Variants in GALNT18 observed in about 807,000 individuals in gnomAD.
GALNT18 encodes the protein GalNAc-transferase 18.
Under a neutral mutation model 69.5 loss-of-function variants are expected in GALNT18, and 44 were observed. The observed-to-expected ratio is 0.63, with a 90% CI of 0.50 to 0.81. The LOEUF is 0.81. Among genes scored for constraint, GALNT18 ranks in the 40% least tolerant of loss-of-function variants. GALNT18 has a pLI of 0.00. For synonymous variants in GALNT18, 364 were observed against 318.2 expected (o/e 1.14, Z -1.53); for missense variants, 715 against 810.0 (o/e 0.88, Z 1.42).
intron 6 of GALNT18, among the ~76,000 whole-genome samples, chr11:11,342,113 C>T (rs954568225): frequency 1.3e-5 from 2 of 152,170 alleles, no homozygotes; most frequent in African/African-American, 4.8e-5. Context: ...GTCAGCCTCA[C>T]TCACTGATCG....
intron 9 of GALNT18, among the ~76,000 whole-genome samples, chr11:11,312,120 C>T (rs1389293700): frequency 6.7e-6 from 1 of 150,160 alleles, no homozygotes; most frequent in Non-Finnish European, 1.5e-5. Context: ...CCATGCCTGG[C>T]TAATTTTTTG....
chr11:11,361,195 G>A (rs1850638019), intron 6 of GALNT18, among the ~76,000 whole-genome samples: 1 of 152,206 alleles, frequency 6.6e-6, no homozygotes, highest in Admixed American at 6.5e-5. Context: ...ACCTGGAAGT[G>A]ATGAGAAATT....
chr11:11,440,385 G>A (rs567107032), intron 2 of GALNT18, among the ~76,000 whole-genome samples: 2 of 152,326 alleles, frequency 1.3e-5, no homozygotes, highest in African/African-American at 4.8e-5. Flanking sequence ...TGTGTGGTGG[G>A]TTTGTCAGTG....
chr11:11,410,580 A>G (rs1305338747), intron 3 of GALNT18, among the ~76,000 whole-genome samples: 1 of 152,162 alleles, frequency 6.6e-6, no homozygotes, highest in Non-Finnish European at 1.5e-5. Context: ...ATTTCCATTT[A>G]CCATCCTTTG....
chr11:11,275,158 C>G (rs1411308053), intron 10 of GALNT18, among the ~76,000 whole-genome samples: 1 of 152,238 alleles, frequency 6.6e-6, no homozygotes, highest in African/African-American at 2.4e-5. Context: ...TACACTCCCA[C>G]CAACAGTGTA....
At position 11,592,006 on chromosome 11, in the gene GALNT18, G is replaced by T. The variant is rs574189399; in HGVS notation, c.235+29353C>A. On this transcript the variant is annotated intron_variant, in intron 1 of 10. Coordinates refer to ENST00000227756, the MANE Select transcript of GALNT18 (RefSeq NM_198516.3). This position sits in a 1 kb window ranked among gnomAD's most constrained non-coding sequence, Gnocchi z 5.9. ...GCCTCAATTTTATAATAGAAAAAGG[G>T]GATAATAATAGCATATCTCAGTTTG... is the stretch of plus-strand genomic sequence containing the variant. Among the ~76,000 whole-genome samples, 1 of 152,132 alleles carries T rather than the reference G, an allele frequency of 6.6e-6. No homozygotes were observed. The highest frequency in any genetic ancestry group is 2.4e-5 in the African/African-American group (1 of 41,406).
chr11:11,339,366 T>C lies in GALNT18; in HGVS notation c.1278+1453A>G, dbSNP rs900273288. 1.3e-5 allele frequency among the ~76,000 whole-genome samples: 2 copies of C among 152,144 alleles called. No homozygotes were observed. The highest frequency in any genetic ancestry group is 2.9e-5 in the Non-Finnish European group (2 of 68,040). On this transcript the variant is annotated intron_variant, in intron 7 of 10. Coordinates refer to ENST00000227756, the MANE Select transcript of GALNT18 (RefSeq NM_198516.3). This position sits in a 1 kb window ranked among gnomAD's most constrained non-coding sequence, Gnocchi z 5.2. ...TTGGGTTGCTGGGCATTTCAACACC[T>C]GTCAGCTGCAAGGGGGAGAGGGCTA...
At chr11:11,388,514 A>C (rs543070062) in intron 3 of GALNT18, among the ~76,000 whole-genome samples, 2 of 152,194 alleles carry the variant, frequency 1.3e-5, no homozygotes, top group Non-Finnish European at 2.9e-5. Flanking sequence ...AAACAAACAA[A>C]AAACCTTGAG....
At chr11:11,508,294 A>G (rs557147920) in intron 1 of GALNT18, among the ~76,000 whole-genome samples, 94 of 152,276 alleles carry the variant, frequency 6.2e-4, no homozygotes, top group African/African-American at 2.2e-3. Context: ...TATTTGAGGT[A>G]GGAGATCTTA....
chr11:11,611,369 G>A (rs1859895816), intron 1 of GALNT18, among the ~76,000 whole-genome samples: 1 of 152,212 alleles, frequency 6.6e-6, no homozygotes, highest in Non-Finnish European at 1.5e-5. Context: ...AAAGAGAGGA[G>A]GCAGCCTGTG....
intron 10 of GALNT18, among the ~76,000 whole-genome samples, chr11:11,278,923 T>G (rs1849006747): frequency 6.6e-6 from 1 of 152,242 alleles, no homozygotes; most frequent in South Asian, 2.1e-4. Context: ...GATTTGATCA[T>G]TACACATTAT....
intron 1 of GALNT18, among the ~76,000 whole-genome samples, chr11:11,539,633 A>G (rs1857866019): frequency 6.6e-6 from 1 of 152,148 alleles, no homozygotes; most frequent in South Asian, 2.1e-4. Context: ...ACAGAGGGAA[A>G]CTGCCCACTT....
intron 1 of GALNT18, among the ~76,000 whole-genome samples, chr11:11,514,136 GAT>G (rs1170018637): frequency 6.6e-6 from 1 of 152,222 alleles, no homozygotes; most frequent in African/African-American, 2.4e-5. Context: ...CCCATCCAAT[GAT>G]TCCCACATCA....
rs1323590549 is a variant in GALNT18, at chr11:11,583,707, TACGTGGTCAGG to T, written c.235+37641_235+37651del. Among the ~76,000 whole-genome samples the T allele has an allele frequency of 6.6e-6, 1 of 152,054 alleles. No individual in the cohort carries two copies. Among genetic ancestry groups the T allele is most frequent in the African/African-American group, 2.4e-5 (1 of 41,396 alleles). On this transcript the variant is annotated intron_variant, in intron 1 of 10. Transcript: ENST00000227756. The surrounding 1 kb of genome is among the most constrained non-coding windows in gnomAD (Gnocchi z 4.7). ...AGATATTTCCAAAGCCCTGACCACA[TACGTGGTCAGG>T]GAAAATGCTTAAAGCTTCAGCTCCT...
In GALNT18 at chr11:11,562,792, C is replaced by G. The variant is rs12417832; in HGVS notation, c.235+58567G>C. Among the ~76,000 whole-genome samples, 14,279 of 152,180 alleles carry G rather than the reference C, an allele frequency of 0.094. 721 individuals carry two copies. Among genetic ancestry groups the G allele is most frequent in the Admixed American group, 0.15 (2,293 of 15,292 alleles). ...AATCCCCATTTTAATGATGCTAACT[C>G]AAGGCTGAGAGAGGCTATTTAACCC... On this transcript the variant is annotated intron_variant, in intron 1 of 10. Coordinates refer to ENST00000227756, the MANE Select transcript of GALNT18 (RefSeq NM_198516.3). The surrounding 1 kb of genome is among the most constrained non-coding windows in gnomAD (Gnocchi z 4.1).
intron 7 of GALNT18, among the ~76,000 whole-genome samples, chr11:11,333,401 T>C (rs796714908): frequency 1.3e-4 from 20 of 152,324 alleles, no homozygotes; most frequent in African/African-American, 4.6e-4. Context: ...CTCATACTTA[T>C]AAAGTAGCAC....
rs1859696136 is a variant in GALNT18 at position 11,604,263 on chromosome 11, A to G, written c.235+17096T>C. ...GGTTTGGTTAGTAAGTTAAAAATCC[A>G]TTAAGAGCATTATTGAATGTCTTAT... On this transcript the variant is annotated intron_variant, in intron 1 of 10. Coordinates refer to ENST00000227756, the MANE Select transcript of GALNT18 (RefSeq NM_198516.3). The surrounding 1 kb of genome is among the most constrained non-coding windows in gnomAD (Gnocchi z 5.6). 1.3e-5 allele frequency among the ~76,000 whole-genome samples: 2 copies of G among 152,364 alleles called. No individual in the cohort carries two copies.
intron 1 of GALNT18, among the ~76,000 whole-genome samples, chr11:11,484,610 A>G (rs10765858): frequency 0.13 from 19,815 of 149,318 alleles, 1,529 homozygotes; most frequent in East Asian, 0.28. Context: ...AAAAAAAAAA[A>G]AAAAAATACC....
rs1565020520 is a variant in GALNT18 at position 11,573,490 on chromosome 11, A to G, written c.235+47869T>C. 6.6e-6 allele frequency: 1 copy of G among 152,208 alleles called. No individual in the cohort carries two copies. The highest frequency in any genetic ancestry group is 1.5e-5 in the Non-Finnish European group (1 of 68,038). 9.4% of individuals were successfully genotyped at this position (152,208 alleles called of 1,614,324 possible). A position where few individuals can be genotyped will look rare whatever the true frequency, so the allele number is the denominator to read the frequency against. On this transcript the variant is annotated intron_variant, in intron 1 of 10. Coordinates refer to ENST00000227756, the MANE Select transcript of GALNT18 (RefSeq NM_198516.3). This position sits in a 1 kb window ranked among gnomAD's most constrained non-coding sequence, Gnocchi z 4.6. ...ACGATATTAAAATTTTACAGCAACC[A>G]TGCCAGACTAGGTCTTATTTTCCTT...
Sources: gnomAD v4.1 joint callset for allele counts (sites outside exome capture counted in the v4.1 genomes callset) on GRCh38, gnomAD v4.1.1 for gene constraint, Gnocchi (gnomAD v3.1) non-coding constraint, MANE v1.5 for transcripts, NCBI Gene and HGNC (gene_info 2026-07-23, HGNC 2026-07-21) for gene names.